Variants in SPAG16 observed in about 807,000 individuals in gnomAD.
SPAG16 encodes sperm associated antigen 16, also known as sperm-associated antigen 16 protein.
SPAG16 carries 86 observed loss-of-function variants against 80.4 expected under a neutral mutation model. The ratio of observed to expected loss-of-function variants is 1.07; its 90% CI spans 0.90 to 1.28. The LOEUF is 1.28. SPAG16 is among the 50% of genes most tolerant of loss of function. SPAG16 has a pLI of 0.00. For synonymous variants in SPAG16, 294 were observed against 265.9 expected (o/e 1.11, Z -1.03); for missense variants, 870 against 765.3 (o/e 1.14, Z -1.61).
At chr2:214,049,848 C>CT (rs869129962) in intron 13 of SPAG16, among the ~76,000 whole-genome samples, 1 of 152,126 alleles carries the variant, frequency 6.6e-6, no homozygotes, top group African/African-American at 2.4e-5. Flanking sequence ...AAAGGTTAAA[C>CT]TTTTTTAAAA....
At chr2:214,090,776 C>T (rs2052134690) in intron 13 of SPAG16, among the ~76,000 whole-genome samples, 1 of 151,972 alleles carries the variant, frequency 6.6e-6, no homozygotes, top group South Asian at 2.1e-4. Flanking sequence ...TGATTATTTG[C>T]AGACATTTTA....
chr2:213,310,186 T>G lies in SPAG16; in HGVS notation c.398+9T>G. ...TGCTTTCAGTCTGAATGGTAAACAA[T>G]TATGTAGATAAATAGTTCTCTTAAA... On this transcript the variant is annotated intron_variant, in intron 4 of 15. Transcript: ENST00000331683. The G allele has an allele frequency of 1.3e-6, 2 of 1,524,734 alleles. No individual in the cohort carries two copies. The allele number at this position is 1,524,734 out of a possible 1,614,324, so 94.5% of individuals were successfully genotyped here. A position where few individuals can be genotyped will look rare whatever the true frequency, so the allele number is the denominator to read the frequency against.
chr2:214,368,956 T>C (rs192865604), intron 15 of SPAG16, among the ~76,000 whole-genome samples: 37 of 152,254 alleles, frequency 2.4e-4, no homozygotes, highest in Admixed American at 3.9e-4. Flanking sequence ...TCAATACTTA[T>C]GTTGTTCAAC....
intron 9 of SPAG16, among the ~76,000 whole-genome samples, chr2:213,424,889 C>A (rs534174262): frequency 6.6e-6 from 1 of 152,278 alleles, no homozygotes; most frequent in Admixed American, 6.5e-5. Context: ...ATATTCATTT[C>A]TTTGCCATGG....
intron 10 of SPAG16, among the ~76,000 whole-genome samples, chr2:213,654,319 T>C (rs578059116): frequency 6.6e-6 from 1 of 152,164 alleles, no homozygotes; most frequent in South Asian, 2.1e-4. Flanking sequence ...TTCAGGTAAC[T>C]TTCAATTCTA....
intron 10 of SPAG16, among the ~76,000 whole-genome samples, chr2:213,842,374 A>G (rs2074403676): frequency 6.6e-6 from 1 of 152,150 alleles, no homozygotes; most frequent in Non-Finnish European, 1.5e-5. Context: ...TCACGGTTTT[A>G]ACAGTAAGAA....
chr2:213,594,549 C>A (rs2060821745), intron 10 of SPAG16, among the ~76,000 whole-genome samples: 1 of 152,150 alleles, frequency 6.6e-6, no homozygotes, highest in African/African-American at 2.4e-5. Context: ...CTATACCTGG[C>A]AAGCCTCTGT....
At chr2:214,134,320 C>T (rs1022915063) in intron 14 of SPAG16, among the ~76,000 whole-genome samples, 12 of 152,122 alleles carry the variant, frequency 7.9e-5, no homozygotes, top group African/African-American at 2.9e-4. Context: ...CAACTTGGCC[C>T]CACAAATCCA....
At chr2:214,248,776 G>A (rs112200572) in intron 15 of SPAG16, among the ~76,000 whole-genome samples, 2 of 152,216 alleles carry the variant, frequency 1.3e-5, no homozygotes, top group African/African-American at 2.4e-5. Context: ...AAAAATTAAT[G>A]CATAATAAGA....
chr2:213,947,826 T>C (rs1575620477), intron 12 of SPAG16, among the ~76,000 whole-genome samples: 1 of 152,144 alleles, frequency 6.6e-6, no homozygotes. Flanking sequence ...AAATATCATA[T>C]AGTTTTGATT....
At chr2:214,089,192 G>T (rs977179542) in intron 13 of SPAG16, among the ~76,000 whole-genome samples, 5 of 151,986 alleles carry the variant, frequency 3.3e-5, no homozygotes, top group Admixed American at 6.6e-5. Context: ...TCTTGCCAGA[G>T]TAATCAATAA....
intron 15 of SPAG16, among the ~76,000 whole-genome samples, chr2:214,350,890 A>C (rs1698357665): frequency 6.6e-6 from 1 of 152,200 alleles, no homozygotes; most frequent in African/African-American, 2.4e-5. Flanking sequence ...ATGAAAAGAA[A>C]GATATCTTCC....
At chr2:213,285,274 T>C (rs1443775595) in intron 1 of SPAG16, among the ~76,000 whole-genome samples, 2 of 152,200 alleles carry the variant, frequency 1.3e-5, no homozygotes, top group African/African-American at 2.4e-5. Flanking sequence ...AAGCAGATGG[T>C]GATTAGCGAT....
chr2:214,343,710 G>A (rs1912218), intron 15 of SPAG16, among the ~76,000 whole-genome samples: 73,439 of 151,664 alleles, frequency 0.48, 21,291 homozygotes, highest in South Asian at 0.65. Flanking sequence ...CATTTAGTTA[G>A]TCTAGTTTCT....
intron 13 of SPAG16, among the ~76,000 whole-genome samples, chr2:214,039,644 G>A (rs1359834360): frequency 6.6e-6 from 1 of 152,122 alleles, no homozygotes; most frequent in Non-Finnish European, 1.5e-5. Flanking sequence ...ACTTAAAACT[G>A]TTTTTCCATA....
chr2:213,758,948 CAG>C (rs2068496277), intron 10 of SPAG16, among the ~76,000 whole-genome samples: 1 of 152,146 alleles, frequency 6.6e-6, no homozygotes, highest in Non-Finnish European at 1.5e-5. Context: ...AAGGAATAAT[CAG>C]TAAGATTATC....
intron 9 of SPAG16, among the ~76,000 whole-genome samples, chr2:213,399,806 G>A (rs1469189263): frequency 6.6e-6 from 1 of 151,830 alleles, no homozygotes; most frequent in Admixed American, 6.6e-5. Context: ...TTATACTGTG[G>A]ATTCAGATTT....
chr2:213,287,643 T>G (rs1053227202), intron 1 of SPAG16, among the ~76,000 whole-genome samples: 1 of 152,152 alleles, frequency 6.6e-6, no homozygotes. Flanking sequence ...TAGGTGTAAG[T>G]TTACTGGCCA....
intron 15 of SPAG16, among the ~76,000 whole-genome samples, chr2:214,315,654 TC>T (rs1254955806): frequency 6.6e-6 from 1 of 152,008 alleles, no homozygotes; most frequent in Non-Finnish European, 1.5e-5. Flanking sequence ...ACCTCAGTAC[TC>T]TGAGTGTCTG....
Sources: gnomAD v4.1 joint callset for allele counts (sites outside exome capture counted in the v4.1 genomes callset) on GRCh38, gnomAD v4.1.1 for gene constraint, MANE v1.5 for transcripts, NCBI Gene and HGNC (gene_info 2026-07-23, HGNC 2026-07-21) for gene names.